Variants in IFT25 observed in about 807,000 individuals in gnomAD.
IFT25 encodes the protein intraflagellar transport 25.
the IFT25 span, among the ~76,000 whole-genome samples, chr1:53,924,904 TAC>T: frequency 2.0e-5 from 3 of 152,178 alleles, no homozygotes; most frequent in South Asian, 6.2e-4. Context: ...TTAAATAATG[TAC>T]ACAATGTAAA....
At chr1:53,915,255 T>G in the IFT25 span, among the ~76,000 whole-genome samples, 2 of 152,142 alleles carry the variant, frequency 1.3e-5, no homozygotes, top group African/African-American at 2.4e-5. Context: ...TTGGGGAGCT[T>G]ACATTCTAGT....
the IFT25 span, chr1:53,939,705 C>A: frequency 2.8e-6 from 1 of 351,932 alleles, no homozygotes; most frequent in South Asian, 4.1e-5. Context: ...TTTACACTTC[C>A]ATAAAATGAA....
chr1:53,921,337 T>C, the IFT25 span, among the ~76,000 whole-genome samples: 2,869 of 152,298 alleles, frequency 0.019, 50 homozygotes, highest in East Asian at 0.073. Flanking sequence ...AATCAATCAA[T>C]TAAAAAATTA....
chr1:53,928,541 C>A, the IFT25 span: 1 of 767,830 alleles, frequency 1.3e-6, no homozygotes, highest in Admixed American at 2.3e-5. Flanking sequence ...CACAGTGGAA[C>A]TACACAGAGC....
At chr1:53,936,720 T>C in the IFT25 span, among the ~76,000 whole-genome samples, 1 of 152,144 alleles carries the variant, frequency 6.6e-6, no homozygotes, top group African/African-American at 2.4e-5. Context: ...ATTCTAAATA[T>C]AGTATTCTTC....
chr1:53,939,619 G>T, the IFT25 span: 1 of 226,642 alleles, frequency 4.4e-6, no homozygotes, highest in South Asian at 6.5e-5. Context: ...AAGGAAATAG[G>T]TAGTAAATAG....
At chr1:53,937,141 A>G in the IFT25 span, among the ~76,000 whole-genome samples, 3 of 152,194 alleles carry the variant, frequency 2.0e-5, no homozygotes, top group East Asian at 5.8e-4. Context: ...TCTTTGAGAC[A>G]GAGTCTCGCT....
the IFT25 span, chr1:53,928,469 G>A: frequency 2.0e-6 from 3 of 1,519,444 alleles, no homozygotes; most frequent in East Asian, 4.5e-5. Flanking sequence ...TAAGTAAAGT[G>A]TTAATCTGGC....
At chr1:53,940,383 G>C in the IFT25 span, among the ~76,000 whole-genome samples, 1 of 152,012 alleles carries the variant, frequency 6.6e-6, no homozygotes, top group Non-Finnish European at 1.5e-5. Flanking sequence ...GTCAACCGAG[G>C]AGAACAACAT....
At chr1:53,929,753 T>C in the IFT25 span, 1 of 279,742 alleles carries the variant, frequency 3.6e-6, no homozygotes, top group Non-Finnish European at 6.4e-6. Flanking sequence ...GCCAAAGACT[T>C]TTACATAGTA....
chr1:53,943,936 T>A, the IFT25 span, among the ~76,000 whole-genome samples: 2 of 152,212 alleles, frequency 1.3e-5, no homozygotes, highest in Non-Finnish European at 2.9e-5. Flanking sequence ...ACTTGTTTTT[T>A]AAAAGAGAGT....
chr1:53,940,167 A>G, the IFT25 span: 364 of 768,864 alleles, frequency 4.7e-4, 2 homozygotes, highest in African/African-American at 5.7e-3. Flanking sequence ...AAACGAAGTG[A>G]GAAGGAAAGG....
At chr1:53,945,166 C>T in the IFT25 span, among the ~76,000 whole-genome samples, 2 of 152,202 alleles carry the variant, frequency 1.3e-5, no homozygotes, top group Non-Finnish European at 2.9e-5. Context: ...TGTGGAGGCC[C>T]GCCCCAAATT....
the IFT25 span, chr1:53,921,785 C>T: frequency 6.7e-7 from 1 of 1,495,744 alleles, no homozygotes; most frequent in African/African-American, 1.4e-5. Flanking sequence ...GGAAAAAAAT[C>T]AATATAAATG....
At chr1:53,922,747 G>A in the IFT25 span, among the ~76,000 whole-genome samples, 1 of 152,006 alleles carries the variant, frequency 6.6e-6, no homozygotes, top group Non-Finnish European at 1.5e-5. Context: ...ACTGGCAAAT[G>A]TTATTTTAAA....
At chr1:53,939,315 T>G in the IFT25 span, among the ~76,000 whole-genome samples, 1 of 148,100 alleles carries the variant, frequency 6.8e-6, no homozygotes, top group South Asian at 2.1e-4. Context: ...CACTTGAACC[T>G]GGGAGTTGGA....
chr1:53,924,407 T>C, the IFT25 span, among the ~76,000 whole-genome samples: 3 of 152,214 alleles, frequency 2.0e-5, no homozygotes. Context: ...GTGTGGCCCA[T>C]GAAGTAATCT....
the IFT25 span, chr1:53,921,672 T>C: frequency 6.2e-7 from 1 of 1,604,132 alleles, no homozygotes; most frequent in Admixed American, 1.7e-5. Context: ...GATTTGAGAC[T>C]ACTGTTCCTT....
the IFT25 span, among the ~76,000 whole-genome samples, chr1:53,916,210 A>G: frequency 6.6e-6 from 1 of 151,730 alleles, no homozygotes; most frequent in South Asian, 2.1e-4. Context: ...TGATTGGGGT[A>G]GTTCAGCAGT....
Sources: gnomAD v4.1 joint callset for allele counts (sites outside exome capture counted in the v4.1 genomes callset) on GRCh38, gnomAD v4.1.1 for gene constraint, MANE v1.5 for transcripts, NCBI Gene and HGNC (gene_info 2026-07-23, HGNC 2026-07-21) for gene names.